Variants in DPYD observed in about 807,000 individuals in gnomAD.
DPYD encodes the protein dihydropyrimidine dehydrogenase.
In DPYD, 109 loss-of-function variants were observed where a neutral mutation model predicts 116.2. The observed-to-expected ratio is 0.94, with a 90% CI of 0.80 to 1.10. The LOEUF (loss-of-function observed/expected upper bound fraction) is 1.10. Among genes scored for constraint, DPYD ranks in the 50% least tolerant of loss-of-function variants. The probability of loss-of-function intolerance (pLI) is 0.00; values close to 1 mark genes in which losing one functional copy is unlikely to be tolerated. For synonymous variants in DPYD, 440 were observed against 432.0 expected (o/e 1.02, Z -0.23); for missense variants, 1,302 against 1,254.5 (o/e 1.04, Z -0.57).
chr1:97,699,856 C>T (rs1377651785), intron 5 of DPYD, among the ~76,000 whole-genome samples: 6 of 152,008 alleles, frequency 3.9e-5, no homozygotes, highest in African/African-American at 1.4e-4. Context: ...ATGTCTCTAA[C>T]ATAACCATCT....
chr1:97,871,062 A>G (rs1175848817), intron 2 of DPYD, among the ~76,000 whole-genome samples: 1 of 151,934 alleles, frequency 6.6e-6, no homozygotes, highest in Non-Finnish European at 1.5e-5. Context: ...TCTTTTGTTC[A>G]GAGCACTGTA....
chr1:97,331,111 T>C (rs1269675868), intron 16 of DPYD, among the ~76,000 whole-genome samples: 1 of 152,172 alleles, frequency 6.6e-6, no homozygotes, highest in Non-Finnish European at 1.5e-5. Context: ...AGAAAGCTTC[T>C]AAGAGTTAGG....
In DPYD at chr1:97,382,471, G is replaced by A. The variant is rs1028210817; in HGVS notation, c.1906-10C>T. The A allele has an allele frequency of 3.3e-5, 51 of 1,560,364 alleles. No individual in the cohort carries two copies. Among genetic ancestry groups the A allele is most frequent in the Non-Finnish European group, 4.4e-5 (50 of 1,148,638 alleles). ...TGCTAGCAATCACAATCTTTAAAAA[G>A]AAAAACAAAAGAATATAAGTTCAAG... On this transcript the variant is annotated splice_polypyrimidine_tract_variant and intron_variant, in intron 14 of 22. Transcript: ENST00000370192.
At chr1:97,500,426 T>C (rs891714788) in intron 13 of DPYD, among the ~76,000 whole-genome samples, 3 of 152,068 alleles carry the variant, frequency 2.0e-5, no homozygotes, top group Non-Finnish European at 4.4e-5. Context: ...CAGTGATATA[T>C]AAATTAATAA....
chr1:97,512,651 T>C (rs986521097), intron 13 of DPYD, among the ~76,000 whole-genome samples: 2 of 151,888 alleles, frequency 1.3e-5, no homozygotes, highest in Non-Finnish European at 2.9e-5. Context: ...GGTTATTTTA[T>C]GTGAAGTCCA....
intron 14 of DPYD, among the ~76,000 whole-genome samples, chr1:97,412,565 G>A (rs1251256270): frequency 6.6e-6 from 1 of 152,132 alleles, no homozygotes; most frequent in Non-Finnish European, 1.5e-5. Flanking sequence ...CAATTTGGAA[G>A]TCTGTTTAAA....
intron 8 of DPYD, among the ~76,000 whole-genome samples, chr1:97,607,351 C>T (rs564721646): frequency 6.6e-6 from 1 of 151,744 alleles, no homozygotes; most frequent in Non-Finnish European, 1.5e-5. Flanking sequence ...TTTTTTATTA[C>T]ATGTCCTTCT....
chr1:97,084,159 T>C (rs1171882752), intron 21 of DPYD, among the ~76,000 whole-genome samples: 2 of 152,084 alleles, frequency 1.3e-5, no homozygotes, highest in African/African-American at 4.8e-5. Context: ...ACGCTGGCAT[T>C]TAAGGCTTTC....
chr1:97,587,454 G>T (rs1384844899), intron 10 of DPYD, among the ~76,000 whole-genome samples: 1 of 152,082 alleles, frequency 6.6e-6, no homozygotes, highest in Non-Finnish European at 1.5e-5. Flanking sequence ...GCTTATGGGG[G>T]CTATTTTCTA....
intron 1 of DPYD, among the ~76,000 whole-genome samples, chr1:97,895,194 G>A (rs1408356455): frequency 6.6e-6 from 1 of 151,726 alleles, no homozygotes; most frequent in African/African-American, 2.4e-5. Flanking sequence ...CAAGTAGTAT[G>A]AAAAGTATTA....
Position 97,253,627 on chromosome 1 carries a change from G to A in DPYD, c.2300-18633C>T, listed in dbSNP as rs142597631. Among the ~76,000 whole-genome samples, 270 of 151,938 alleles carry A rather than the reference G, an allele frequency of 1.8e-3. 4 individuals are homozygous for A. In the East Asian group the frequency reaches 0.034, roughly 19 times the overall value. Reference sequence around the variant, plus strand: ...CCATCACTATTAGCATTTAAATTCCGGTTTTGGCACAAAAACTTTCCAACA... The same window carrying A: ...CCATCACTATTAGCATTTAAATTCCAGTTTTGGCACAAAAACTTTCCAACA... On this transcript the variant is annotated intron_variant, in intron 18 of 22. Transcript: ENST00000370192.
chr1:97,740,975 G>T (rs1021815553), intron 3 of DPYD, among the ~76,000 whole-genome samples: 2 of 151,782 alleles, frequency 1.3e-5, no homozygotes, highest in Non-Finnish European at 2.9e-5. Context: ...CCAATTGTCT[G>T]AAGTCTTTCA....
At chr1:97,530,598 A>G (rs1352345288) in intron 12 of DPYD, among the ~76,000 whole-genome samples, 2 of 152,198 alleles carry the variant, frequency 1.3e-5, no homozygotes, top group Non-Finnish European at 2.9e-5. Context: ...GTGGGTGCAG[A>G]TATCTCTTTG....
chr1:97,884,330 A>G (rs1427336796), intron 1 of DPYD, among the ~76,000 whole-genome samples: 1 of 152,046 alleles, frequency 6.6e-6, no homozygotes, highest in East Asian at 1.9e-4. Context: ...CCAAATTAAC[A>G]TTATTACCTA....
intron 11 of DPYD, among the ~76,000 whole-genome samples, chr1:97,555,819 G>A (rs1003569602): frequency 3.3e-5 from 5 of 152,020 alleles, no homozygotes; most frequent in African/African-American, 1.2e-4. Flanking sequence ...CTCTGACCTG[G>A]TAGGAATTTT....
chr1:97,493,657 G>A (rs1367731832), intron 13 of DPYD, among the ~76,000 whole-genome samples: 1 of 152,098 alleles, frequency 6.6e-6, no homozygotes, highest in Non-Finnish European at 1.5e-5. Context: ...GATTGTCAAT[G>A]AATAGCCAAA....
At chr1:97,254,391 C>T (rs374732598) in intron 18 of DPYD, among the ~76,000 whole-genome samples, 12 of 152,138 alleles carry the variant, frequency 7.9e-5, no homozygotes, top group Admixed American at 4.6e-4. Context: ...GTTCTAGTTA[C>T]GAAAGCATTT....
At chr1:97,660,308 T>C (rs1354513867) in intron 8 of DPYD, among the ~76,000 whole-genome samples, 1 of 152,138 alleles carries the variant, frequency 6.6e-6, no homozygotes, top group Non-Finnish European at 1.5e-5. Context: ...ATCCATTTGA[T>C]AAATAATCAC....
chr1:97,585,065 ATTAAC>A (rs1402229254), intron 10 of DPYD, among the ~76,000 whole-genome samples: 1 of 152,008 alleles, frequency 6.6e-6, no homozygotes, highest in African/African-American at 2.4e-5. Context: ...AAAATTTCAT[ATTAAC>A]TTAAAGTCTT....
Sources: gnomAD v4.1 joint callset for allele counts (sites outside exome capture counted in the v4.1 genomes callset) on GRCh38, gnomAD v4.1.1 for gene constraint, MANE v1.5 for transcripts, NCBI Gene and HGNC (gene_info 2026-07-23, HGNC 2026-07-21) for gene names.